The following COL27A1 variants were observed in gnomAD, a reference collection of about 807,000 sequenced individuals.
The protein encoded by COL27A1 is collagen type XXVII alpha 1 chain.
A neutral mutation model predicts 251.3 loss-of-function variants in COL27A1; 106 were observed. The ratio of observed to expected loss-of-function variants is 0.42; its 90% CI spans 0.36 to 0.50. The LOEUF is 0.50. Among genes scored for constraint, COL27A1 ranks in the 20% least tolerant of loss-of-function variants. The pLI is 0.00. For missense variants in COL27A1, 2,325 were observed against 2,522.8 expected, an observed-to-expected ratio of 0.92 and a Z score of 1.68; for synonymous variants, 1,000 against 986.3, an observed-to-expected ratio of 1.01 and a Z score of -0.26.
At chr9:114,261,348 A>G (rs924905685) in intron 28 of COL27A1, among the ~76,000 whole-genome samples, 1 of 152,080 alleles carries the variant, frequency 6.6e-6, no homozygotes, top group Non-Finnish European at 1.5e-5. Flanking sequence ...ATAGAAACCC[A>G]AGCTTCCCTC....
chr9:114,284,712 G>C lies in COL27A1; in HGVS notation c.3934-12G>C. 6.2e-7 allele frequency: 1 copy of C among 1,613,766 alleles called. No individual in the cohort carries two copies. The highest frequency in any genetic ancestry group is 1.1e-5 in the South Asian group (1 of 91,084). ...CCTCATTCTCACTTCCCTCCTTCTT[G>C]TTTGCCTGCAGGGACACAAAGGCAT... is the stretch of plus-strand genomic sequence containing the variant. On this transcript the variant is annotated splice_polypyrimidine_tract_variant and intron_variant, in intron 40 of 60. Coordinates refer to ENST00000356083, the MANE Select transcript of COL27A1 (RefSeq NM_032888.4).
At chr9:114,196,167 A>C (rs772935896) in intron 7 of COL27A1, among the ~76,000 whole-genome samples, 155 bp downstream of exon 7, 1 of 152,154 alleles carries the variant, frequency 6.6e-6, no homozygotes, top group Non-Finnish European at 1.5e-5. Flanking sequence ...AGAGCTTTCC[A>C]AGGGTTGTGC....
Position 114,306,541 on chromosome 9 carries a change from C to T in COL27A1, c.4960C>T (p.Leu1654=). The T allele has an allele frequency of 3.1e-6, 5 of 1,614,114 alleles. No individual in the cohort carries two copies. The highest frequency in any genetic ancestry group is 4.2e-6 in the Non-Finnish European group (5 of 1,180,034). The part of the protein sequence containing the change: ...RPESYSYPDR[L]VLDQGGEIFK... Reference sequence around the variant, plus strand: ...ACAGAGTTACAGCTATCCAGACCGGCTGGTGCTGGACCAGGGAGGAGAGAT... The same window carrying T: ...ACAGAGTTACAGCTATCCAGACCGGTTGGTGCTGGACCAGGGAGGAGAGAT... Residue 1654 remains leucine (L), a synonymous_variant, in exon 58 of 61, where the codon CTG becomes TTG. Coordinates refer to ENST00000356083, the MANE Select transcript of COL27A1 (RefSeq NM_032888.4).
intron 12 of COL27A1, among the ~76,000 whole-genome samples, chr9:114,214,335 T>C (rs1830571320): frequency 6.6e-6 from 1 of 152,220 alleles, no homozygotes; most frequent in Admixed American, 6.5e-5. Flanking sequence ...CTGAATTCCT[T>C]CATGCCAGAT....
rs148731027 is a variant in COL27A1 at position 114,159,561 on chromosome 9, G to A, written c.63-3154G>A. On this transcript the variant is annotated intron_variant, in intron 1 of 60. Coordinates refer to ENST00000356083, the MANE Select transcript of COL27A1 (RefSeq NM_032888.4). ...GGCAAGGGGTAGTCTCCTCTGAGGA[G>A]GCATTCATGGAAAAAATGATTCTAA... Among the ~76,000 whole-genome samples, 226 of 152,314 alleles carry A rather than the reference G, an allele frequency of 1.5e-3. 2 individuals are homozygous for A. Among genetic ancestry groups the A allele is most frequent in the African/African-American group, 5.1e-3 (212 of 41,566 alleles).
At chr9:114,270,635 G>A in intron 35 of COL27A1, 93 bp from the exon 36 acceptor site, 1 of 981,094 alleles carries the variant, frequency 1.0e-6, no homozygotes, top group African/African-American at 1.6e-5. Flanking sequence ...CCATGGGTCA[G>A]GGTCCTGCCC....
intron 6 of COL27A1, 73 bp downstream of exon 6, chr9:114,194,530 T>A: frequency 7.5e-7 from 1 of 1,328,840 alleles, no homozygotes; most frequent in Non-Finnish European, 1.1e-6. Flanking sequence ...ACTTTAAAGC[T>A]AGCTGTCCTG....
At chr9:114,280,781 A>G (rs2135695357) in intron 37 of COL27A1, among the ~76,000 whole-genome samples, 2 of 152,296 alleles carry the variant, frequency 1.3e-5, no homozygotes, top group South Asian at 4.1e-4. Flanking sequence ...TGACTGGTGC[A>G]TCTCTTTGGG....
intron 3 of COL27A1, among the ~76,000 whole-genome samples, chr9:114,173,775 T>C (rs1011437790): frequency 1.3e-4 from 19 of 151,988 alleles, no homozygotes; most frequent in African/African-American, 4.6e-4. Context: ...GATTGTGGAC[T>C]GATGGTGGGT....
chr9:114,307,672 C>T lies in COL27A1; in HGVS notation c.5111C>T (p.Thr1704Ile), dbSNP rs138623670. 105 of 1,612,042 alleles carry T rather than the reference C, an allele frequency of 6.5e-5. No homozygotes were observed. Among genetic ancestry groups the T allele is most frequent in the Non-Finnish European group, 8.5e-5 (100 of 1,178,210 alleles). ...MDCEQKMVDG[T>I]YWVDPNLGCS... ...CTCCATCCCACGCTGCCTGCAGGTA[C>T]CTACTGGGTGGATCCAAACCTTGGC... Residue 1704 changes from threonine (T) to isoleucine (I), a missense_variant, in exon 59 of 61, where the codon ACC becomes ATC. Physicochemically the swap from Thr to Ile is moderately conservative, Grantham distance 89 (BLOSUM62 -1). This residue lies in a region of COL27A1 where 327 missense variants were observed against 442.8 expected (regional missense o/e 0.74). Coordinates refer to ENST00000356083, the MANE Select transcript of COL27A1 (RefSeq NM_032888.4).
In COL27A1 at chr9:114,306,675, G is replaced by C; in HGVS notation, c.5094G>C (p.Gln1698His). The change falls in exon 58 of 61, where the codon CAG (glutamine) becomes CAC (histidine). Residue 1698 changes from glutamine (Q) to histidine (H), a missense_variant. Physicochemically the swap from Gln to His is conservative, Grantham distance 24. Coordinates refer to ENST00000356083, the MANE Select transcript of COL27A1 (RefSeq NM_032888.4). Reference sequence around the variant, plus strand: ...GCAGGGACCTCATGGACTGTGAGCAGAAGATGGTGGATGGTGAGAAGGCTT... The same window carrying C: ...GCAGGGACCTCATGGACTGTGAGCACAAGATGGTGGATGGTGAGAAGGCTT... ...RVCRDLMDCE[Q>H]KMVDGTYWVD... 6.2e-7 allele frequency: 1 copy of C among 1,613,480 alleles called. No individual in the cohort carries two copies. Among genetic ancestry groups the C allele is most frequent in the Non-Finnish European group, 8.5e-7 (1 of 1,179,846 alleles).
intron 16 of COL27A1, among the ~76,000 whole-genome samples, chr9:114,232,274 G>C (rs1274663230): frequency 2.0e-5 from 3 of 152,160 alleles, no homozygotes; most frequent in African/African-American, 7.2e-5. Flanking sequence ...CCCAGAGAGC[G>C]TGCCGACTGG....
In COL27A1 at chr9:114,167,819, C is replaced by T. The variant is rs201917514; in HGVS notation, c.264C>T (p.Thr88=). The T allele has an allele frequency of 5.1e-5, 82 of 1,613,358 alleles. No homozygotes were observed. The highest frequency in any genetic ancestry group is 3.0e-5 in the Non-Finnish European group (35 of 1,179,962). Residue 88 remains threonine, a synonymous_variant, in exon 3 of 61, where the codon ACC becomes ACT. Transcript: ENST00000356083. Reference sequence around the variant, plus strand: ...CCCGGCTCCAGGCTCCCACGGGCACCGTCATTCCTGCCGCCTTGGGCACAG... The same window carrying T: ...CCCGGCTCCAGGCTCCCACGGGCACTGTCATTCCTGCCGCCTTGGGCACAG... ...QRARLQAPTG[T]VIPAALGTEL...
chr9:114,232,499 T>G (rs2135437045), intron 16 of COL27A1, among the ~76,000 whole-genome samples: 1 of 152,308 alleles, frequency 6.6e-6, no homozygotes, highest in South Asian at 2.1e-4. Flanking sequence ...TGCCCTGCTC[T>G]GTGGCCATCT....
intron 5 of COL27A1, among the ~76,000 whole-genome samples, chr9:114,186,325 C>T (rs117209271): frequency 0.011 from 1,720 of 152,352 alleles, 13 homozygotes; most frequent in Middle Eastern, 0.017. Flanking sequence ...GGTGCTGACC[C>T]GTGGCAGGTG....
At chr9:114,284,845 G>T in intron 41 of COL27A1, 68 bp downstream of exon 41, 1 of 1,539,104 alleles carries the variant, frequency 6.5e-7, no homozygotes. Context: ...TTCAGGGCCA[G>T]CAGGAGAAAG....
Position 114,205,092 on chromosome 9 carries a change from C to T in COL27A1, c.2125-10C>T. 1 of 1,613,598 alleles carries T rather than the reference C, an allele frequency of 6.2e-7. No homozygotes were observed. The highest frequency in any genetic ancestry group is 8.5e-7 in the Non-Finnish European group (1 of 1,179,916). ...TCCCTGCCTGATGCAGCTTCTTCCC[C>T]CTCCAACAGGGACACAAGGGCTATC... On this transcript the variant is annotated splice_polypyrimidine_tract_variant and intron_variant, in intron 7 of 60. Coordinates refer to ENST00000356083, the MANE Select transcript of COL27A1 (RefSeq NM_032888.4).
intron 3 of COL27A1, among the ~76,000 whole-genome samples, chr9:114,170,808 C>G (rs1395864914): frequency 1.3e-5 from 2 of 152,254 alleles, no homozygotes; most frequent in African/African-American, 4.8e-5. Context: ...CTCCAGCCAA[C>G]CCAGGCCAAC....
intron 5 of COL27A1, among the ~76,000 whole-genome samples, chr9:114,189,154 A>G (rs751049016): frequency 1.2e-4 from 19 of 152,318 alleles, no homozygotes; most frequent in Non-Finnish European, 2.1e-4. Context: ...TTAAGGTCAG[A>G]TAGGTATTCA....
Sources: allele counts gnomAD v4.1 joint callset (sites outside exome capture counted in the v4.1 genomes callset), GRCh38; gene constraint gnomAD v4.1.1; regional missense constraint gnomAD v4.1.1; transcripts MANE v1.5; gene names NCBI Gene and HGNC (gene_info 2026-07-23, HGNC 2026-07-21).